The following ERBB4 variants were observed in gnomAD, a reference collection of about 807,000 sequenced individuals.
ERBB4 encodes erb-b2 receptor tyrosine kinase 4.
In ERBB4, 42 loss-of-function variants were observed where a neutral mutation model predicts 158.0. The ratio of observed to expected loss-of-function variants is 0.27; its 90% CI spans 0.21 to 0.34. The LOEUF (loss-of-function observed/expected upper bound fraction) is 0.34. Among genes scored for constraint, ERBB4 ranks in the 10% least tolerant of loss-of-function variants. The pLI, the probability that ERBB4 is intolerant of heterozygous loss-of-function variation, is 1.00. For missense variants in ERBB4, 1,333 were observed against 1,624.1 expected (o/e 0.82, Z 3.08); for synonymous variants, 583 against 558.7 (o/e 1.04, Z -0.61).
chr2:211,750,289 T>G (rs1398266701), intron 5 of ERBB4, among the ~76,000 whole-genome samples: 1 of 152,198 alleles, frequency 6.6e-6, no homozygotes, highest in African/African-American at 2.4e-5. Flanking sequence ...AATAACTAGT[T>G]AATGAAAGGA....
At chr2:212,295,620 C>G (rs1253969348) in intron 1 of ERBB4, among the ~76,000 whole-genome samples, 1 of 152,010 alleles carries the variant, frequency 6.6e-6, no homozygotes, top group Non-Finnish European at 1.5e-5. Flanking sequence ...AGCTCAAATT[C>G]CTGTTCCGTT....
intron 1 of ERBB4, among the ~76,000 whole-genome samples, chr2:212,315,191 T>C (rs1326525774): frequency 6.6e-6 from 1 of 151,396 alleles, no homozygotes; most frequent in Non-Finnish European, 1.5e-5. Context: ...ACTTCAAAAA[T>C]ATAAAAGTAT....
intron 1 of ERBB4, among the ~76,000 whole-genome samples, chr2:212,140,846 AGTGT>A (rs35461019): frequency 0.06 from 7,943 of 131,620 alleles, 259 homozygotes; most frequent in East Asian, 0.11. Flanking sequence ...AGGAAACATG[AGTGT>A]GTGTGTGTGT....
intron 26 of ERBB4, 130 bp downstream of exon 26, chr2:211,387,815 G>A (rs193044401): frequency 7.7e-5 from 59 of 768,888 alleles, no homozygotes; most frequent in African/African-American, 7.5e-4. Flanking sequence ...GCAGCTACAC[G>A]ATGTACACCA....
intron 1 of ERBB4, among the ~76,000 whole-genome samples, chr2:212,138,323 G>A (rs1267217213): frequency 5.3e-5 from 8 of 152,130 alleles, no homozygotes; most frequent in African/African-American, 1.7e-4. Context: ...TGATGTTACC[G>A]ATCTACTCAG....
chr2:211,383,699 A>G lies in ERBB4; in HGVS notation c.3843T>C (p.Asn1281=), dbSNP rs878972139. 1.2e-6 allele frequency: 2 copies of G among 1,614,026 alleles called. No individual in the cohort carries two copies. Among genetic ancestry groups the G allele is most frequent in the African/African-American group, 1.3e-5 (1 of 75,028 alleles). ...NGRIRPIVAE[N]PEYLSEFSLK... Reference sequence around the variant, plus strand: ...GGGAGAACTCAGAGAGGTATTCAGGATTCTCTGCCACAATAGGCCGGATCC... The same window carrying G: ...GGGAGAACTCAGAGAGGTATTCAGGGTTCTCTGCCACAATAGGCCGGATCC... Residue 1281 remains asparagine, a synonymous_variant, in exon 28 of 28, where the codon AAT becomes AAC. Transcript: ENST00000342788.
At chr2:211,562,920 C>T (rs1485305145) in intron 19 of ERBB4, among the ~76,000 whole-genome samples, 2 of 151,614 alleles carry the variant, frequency 1.3e-5, no homozygotes, top group Non-Finnish European at 2.9e-5. Context: ...TACAGGCGCC[C>T]GCCACTACGC....
chr2:212,181,652 A>C (rs1365151489), intron 1 of ERBB4, among the ~76,000 whole-genome samples: 1 of 151,776 alleles, frequency 6.6e-6, no homozygotes, highest in African/African-American at 2.4e-5. Context: ...CAATTATGTC[A>C]TATAAAAAAT....
chr2:212,521,951 G>A (rs1692194027), intron 1 of ERBB4, among the ~76,000 whole-genome samples: 1 of 151,848 alleles, frequency 6.6e-6, no homozygotes, highest in Admixed American at 6.6e-5. Flanking sequence ...TAATATACTT[G>A]ATCCCATTTC....
At chr2:211,568,862 C>T (rs143251305) in intron 19 of ERBB4, among the ~76,000 whole-genome samples, 1 of 152,162 alleles carries the variant, frequency 6.6e-6, no homozygotes, top group African/African-American at 2.4e-5. Context: ...GAAATAAAAT[C>T]ACTGGTCCAT....
At chr2:212,481,913 T>C (rs1689719497) in intron 1 of ERBB4, among the ~76,000 whole-genome samples, 1 of 152,232 alleles carries the variant, frequency 6.6e-6, no homozygotes. Flanking sequence ...ACTTAGCTAT[T>C]TAGAGAGTTA....
intron 3 of ERBB4, among the ~76,000 whole-genome samples, chr2:211,866,610 A>C (rs2078210944): frequency 6.6e-6 from 1 of 152,214 alleles, no homozygotes; most frequent in African/African-American, 2.4e-5. Context: ...CTTATAATCA[A>C]GTACAATTAT....
At chr2:212,399,545 C>CATATATATATATATATATATAT (rs869111881) in intron 1 of ERBB4, among the ~76,000 whole-genome samples, 8 of 38,088 alleles carry the variant, frequency 2.1e-4, no homozygotes, top group East Asian at 6.4e-4. Context: ...TTTATATATA[C>CATATATATATATATATATATAT]ATATATATAT....
intron 1 of ERBB4, among the ~76,000 whole-genome samples, chr2:212,415,679 T>C (rs2091631342): frequency 6.6e-6 from 1 of 152,120 alleles, no homozygotes; most frequent in Non-Finnish European, 1.5e-5. Context: ...TATAATATTT[T>C]ATGACAAAAT....
chr2:211,887,430 T>G (rs1481630323), intron 3 of ERBB4, among the ~76,000 whole-genome samples: 1 of 152,168 alleles, frequency 6.6e-6, no homozygotes, highest in African/African-American at 2.4e-5. Context: ...CAGTGCCTAA[T>G]AATAGCTCTA....
intron 2 of ERBB4, among the ~76,000 whole-genome samples, chr2:212,017,926 GT>G (rs2076564642): frequency 6.6e-6 from 1 of 152,096 alleles, no homozygotes; most frequent in African/African-American, 2.4e-5. Context: ...CAAAGATAAT[GT>G]TTTAATGTAG....
intron 1 of ERBB4, among the ~76,000 whole-genome samples, chr2:212,313,123 A>G (rs1027011792): frequency 3.3e-5 from 5 of 150,882 alleles, no homozygotes; most frequent in African/African-American, 9.7e-5. Flanking sequence ...CAATTTGGAT[A>G]CCATATAGTA....
chr2:211,469,490 T>G (rs1306364426), intron 20 of ERBB4, among the ~76,000 whole-genome samples: 1 of 152,138 alleles, frequency 6.6e-6, no homozygotes, highest in Non-Finnish European at 1.5e-5. Flanking sequence ...CACAAGCATT[T>G]CAATGCAAAC....
chr2:211,541,182 G>A (rs1005727997), intron 20 of ERBB4, among the ~76,000 whole-genome samples: 5 of 151,772 alleles, frequency 3.3e-5, no homozygotes, highest in African/African-American at 7.3e-5. Flanking sequence ...TTGTCTTGGC[G>A]CTCAAGGGAT....
Sources: gnomAD v4.1 joint callset for allele counts (sites outside exome capture counted in the v4.1 genomes callset) on GRCh38, gnomAD v4.1.1 for gene constraint, MANE v1.5 for transcripts, NCBI Gene and HGNC (gene_info 2026-07-23, HGNC 2026-07-21) for gene names.